The following C2CD3 variants were observed in gnomAD, a reference collection of about 807,000 sequenced individuals.
C2CD3 encodes C2 domain containing 3 centriole elongation regulator, also known as C2 domain-containing protein 3.
A neutral mutation model predicts 234.0 loss-of-function variants in C2CD3; 148 were observed. The observed-to-expected ratio is 0.63, with a 90% CI of 0.55 to 0.72. The LOEUF is 0.72. Among genes scored for constraint, C2CD3 ranks in the 30% least tolerant of loss-of-function variants. C2CD3 has a pLI of 0.00. For missense variants in C2CD3, 2,577 were observed against 2,811.5 expected, an observed-to-expected ratio of 0.92 and a Z score of 1.89; for synonymous variants, 1,000 against 1,035.4, an observed-to-expected ratio of 0.97 and a Z score of 0.66.
At chr11:74,085,408 C>T (rs2135475368) in intron 21 of C2CD3, 1 of 567,734 alleles carries the variant, frequency 1.8e-6, no homozygotes, top group East Asian at 2.8e-5. Context: ...CCCATTAACA[C>T]TGACACATTT....
At chr11:74,120,854 A>G (rs2135521141) in intron 8 of C2CD3, among the ~76,000 whole-genome samples, 1 of 152,280 alleles carries the variant, frequency 6.6e-6, no homozygotes, top group South Asian at 2.1e-4. Context: ...ACCAGCAAAA[A>G]ATAGGGAGAT....
intron 26 of C2CD3, among the ~76,000 whole-genome samples, chr11:74,052,365 A>G (rs916855795): frequency 6.6e-6 from 1 of 152,268 alleles, no homozygotes; most frequent in Non-Finnish European, 1.5e-5. Context: ...CAAATTCTGC[A>G]AGGCCAGTAC....
At chr11:74,086,793 C>T (rs1458682428) in intron 20 of C2CD3, among the ~76,000 whole-genome samples, 3 of 152,174 alleles carry the variant, frequency 2.0e-5, no homozygotes, top group South Asian at 4.1e-4. Context: ...CTCCCCAAGG[C>T]GATAGAGTTG....
intron 32 of C2CD3, among the ~76,000 whole-genome samples, chr11:74,026,290 G>C (rs931574112): frequency 1.3e-5 from 2 of 151,444 alleles, no homozygotes; most frequent in African/African-American, 2.4e-5. Flanking sequence ...CTGGGCAACA[G>C]TGTGAGACCC....
intron 32 of C2CD3, among the ~76,000 whole-genome samples, chr11:74,023,329 A>C (rs72984831): frequency 0.21 from 32,488 of 152,228 alleles, 4,090 homozygotes; most frequent in Admixed American, 0.3. Context: ...AGAGCCCTGC[A>C]GCCTCTCAAA....
intron 15 of C2CD3, among the ~76,000 whole-genome samples, chr11:74,099,243 G>A (rs1291157899): frequency 6.6e-6 from 1 of 152,190 alleles, no homozygotes; most frequent in Non-Finnish European, 1.5e-5. Context: ...ACTGTTGTAA[G>A]TATTAATACT....
intron 21 of C2CD3, 41 bp downstream of exon 21, chr11:74,085,577 C>A: frequency 1.2e-6 from 2 of 1,604,376 alleles, no homozygotes; most frequent in East Asian, 2.2e-5. Flanking sequence ...CACAATGCAG[C>A]CTCTTTTAAT....
At chr11:74,057,845 G>C (rs143008885) in intron 24 of C2CD3, among the ~76,000 whole-genome samples, 3 of 152,210 alleles carry the variant, frequency 2.0e-5, no homozygotes, top group African/African-American at 7.2e-5. Context: ...CATGCCTGTA[G>C]TCCCAGCTAC....
rs927236752 is a variant in C2CD3 at position 74,123,000 on chromosome 11, A to G, written c.1353T>C (p.Phe451=). 5 of 1,613,386 alleles carry G rather than the reference A, an allele frequency of 3.1e-6. No individual in the cohort carries two copies. The highest frequency in any genetic ancestry group is 4.2e-6 in the Non-Finnish European group (5 of 1,179,472). Residue 451 remains phenylalanine, a synonymous_variant, in exon 8 of 33, where the codon TTT becomes TTC. Transcript: ENST00000334126. ...QYDQSLLENL[F]YTAPKSDTSI... ...TTCAGTGACTTACAGGTGCTGTATA[A>G]AATAAATTCTCCAGAAGACTCTGGT...
rs542758128 is a variant in C2CD3, at chr11:74,170,885, C to G, written c.-93G>C. On this transcript the variant is annotated 5_prime_UTR_variant, in exon 1 of 33. Transcript: ENST00000334126. The stretch of plus-strand genomic sequence containing the variant: ...TCCCTCCCCACGGCGCCTGCGTTCC[C>G]CGGCAACCGGCGCCGCTGGGCAGCC... 15 of 1,591,178 alleles carry G rather than the reference C, an allele frequency of 9.4e-6. No individual in the cohort carries two copies. The East Asian group carries it at 3.4e-4, about 36-fold the overall frequency.
In C2CD3 at chr11:74,033,756, C is replaced by T. The variant is rs1198261981; in HGVS notation, c.6404G>A (p.Arg2135Lys). 2.0e-6 allele frequency: 3 copies of T among 1,536,346 alleles called. No homozygotes were observed. In the Admixed American group the frequency reaches 5.9e-5, roughly 30 times the overall value. The change falls in exon 31 of 33, where the codon AGG becomes AAG. Residue 2135 changes from arginine to lysine, a missense_variant. Coordinates refer to ENST00000334126, the MANE Select transcript of C2CD3 (RefSeq NM_001286577.2). ...VKSSFLSSPE[R>K]AVNPHLPRQG... ...CCTAGGCAGGTGGGGGTTGACAGCC[C>T]TTTCTGGGCTGGAGAGAAAGCTACT...
At chr11:74,040,178 T>C (rs143424091) in intron 29 of C2CD3, among the ~76,000 whole-genome samples, 27 of 152,298 alleles carry the variant, frequency 1.8e-4, no homozygotes, top group Middle Eastern at 3.4e-3. Context: ...AACCCTATTG[T>C]GAACTGCTCA....
Position 74,103,461 on chromosome 11 carries a change from G to GT in C2CD3, c.2249dup (p.Asn750LysfsTer5). ...TCTTTGCAGTTTCCTCATGAATTTG[G>GT]TTTAAGTTTTGTGGATTTTTGGTAC... On this transcript the variant is annotated frameshift_variant, in exon 14 of 33. Transcript: ENST00000334126. LOFTEE classifies it high-confidence loss of function. 6.2e-7 allele frequency: 1 copy of GT among 1,614,180 alleles called. No individual in the cohort carries two copies. Among genetic ancestry groups the GT allele is most frequent in the Non-Finnish European group, 8.5e-7 (1 of 1,180,022 alleles).
At chr11:74,146,447 A>G (rs985401905) in intron 3 of C2CD3, among the ~76,000 whole-genome samples, 3 of 152,192 alleles carry the variant, frequency 2.0e-5, no homozygotes, top group Admixed American at 1.3e-4. Flanking sequence ...TAAAGTATCA[A>G]TGAGAACTTT....
Position 74,057,662 on chromosome 11 carries a change from T to C in C2CD3, c.4952-118A>G, listed in dbSNP as rs1189962155. On this transcript the variant is annotated intron_variant, in intron 24 of 32. Transcript: ENST00000334126. ...CTTCCTATGGGGTCTTTGCTCAAGC[T>C]ATCCCCCTGTGTCTGAAATGTTTTC... 3.9e-6 allele frequency: 4 copies of C among 1,029,268 alleles called. No homozygotes were observed. The Admixed American group carries it at 8.8e-5, about 23-fold the overall frequency. 63.8% of individuals were successfully genotyped at this position (1,029,268 alleles called of 1,614,324 possible). A position where few individuals can be genotyped will look rare whatever the true frequency, so the allele number is the denominator to read the frequency against.
chr11:74,116,940 A>G (rs1956975428), intron 9 of C2CD3, among the ~76,000 whole-genome samples: 1 of 120,148 alleles, frequency 8.3e-6, no homozygotes, highest in Non-Finnish European at 1.7e-5. Flanking sequence ...GTATATACAC[A>G]TATACACGTA....
chr11:74,114,556 C>G lies in C2CD3; in HGVS notation c.1558G>C (p.Glu520Gln). Residue 520 changes from glutamate to glutamine, a missense_variant, in exon 10 of 33, where the codon GAA becomes CAA. Glu to Gln is a conservative substitution (Grantham distance 29). Transcript: ENST00000334126. ...VEQQMLSETPEDAQTMTLSVD... is the reference protein window; with the variant it reads ...VEQQMLSETPQDAQTMTLSVD... ...CTTAGTGTCATCGTTTGGGCATCTTCTGGAGTTTCTGAGAGCATCTGTTGT... is the reference window on the plus strand; with the variant it reads ...CTTAGTGTCATCGTTTGGGCATCTTGTGGAGTTTCTGAGAGCATCTGTTGT... 6.2e-7 allele frequency: 1 copy of G among 1,614,000 alleles called. No homozygotes were observed. The highest frequency in any genetic ancestry group is 8.5e-7 in the Non-Finnish European group (1 of 1,179,960).
intron 9 of C2CD3, among the ~76,000 whole-genome samples, chr11:74,116,613 T>C (rs180702428): frequency 3.0e-4 from 45 of 152,042 alleles, no homozygotes; most frequent in African/African-American, 1.0e-3. Context: ...GACCCAGCAA[T>C]CCTACTTCTA....
chr11:74,109,212 T>C, intron 11 of C2CD3, 60 bp from the exon 12 acceptor site: 1 of 833,528 alleles, frequency 1.2e-6, no homozygotes, highest in South Asian at 1.7e-5. Context: ...CATCATCAAT[T>C]CATGCCTTGA....
Sources: gnomAD v4.1 joint callset for allele counts (sites outside exome capture counted in the v4.1 genomes callset) on GRCh38, gnomAD v4.1.1 for gene constraint, MANE v1.5 for transcripts, NCBI Gene and HGNC (gene_info 2026-07-23, HGNC 2026-07-21) for gene names.